The following NEK10 variants were observed in gnomAD, a reference collection of about 807,000 sequenced individuals.
The protein encoded by NEK10 is NIMA related kinase 10, also known as serine/threonine-protein kinase Nek10.
A neutral mutation model predicts 159.8 loss-of-function variants in NEK10; 122 were observed. The ratio of observed to expected loss-of-function variants is 0.76; its 90% CI spans 0.66 to 0.89. The LOEUF is 0.89. NEK10 is among the 40% of genes least tolerant of loss of function. The pLI, the probability that NEK10 is intolerant of heterozygous loss-of-function variation, is 0.00. For missense variants in NEK10, 1,342 were observed against 1,323.1 expected, an observed-to-expected ratio of 1.01 and a Z score of -0.22; for synonymous variants, 466 against 457.1, an observed-to-expected ratio of 1.02 and a Z score of -0.25.
chr3:27,281,789 A>T (rs1038542679), intron 22 of NEK10, among the ~76,000 whole-genome samples: 1 of 152,170 alleles, frequency 6.6e-6, no homozygotes, highest in Non-Finnish European at 1.5e-5. Context: ...GCAGGCCTAA[A>T]GTGAAACCCA....
intron 5 of NEK10, among the ~76,000 whole-genome samples, chr3:27,338,097 C>T (rs1369701151): frequency 6.6e-6 from 1 of 152,122 alleles, no homozygotes; most frequent in Non-Finnish European, 1.5e-5. Flanking sequence ...CTCTCCCAGC[C>T]CCCCAACAGG....
chr3:27,260,264 G>C (rs2149345283), intron 22 of NEK10, among the ~76,000 whole-genome samples: 1 of 152,298 alleles, frequency 6.6e-6, no homozygotes. Flanking sequence ...ATGTTGAATA[G>C]GAGTGGTGAG....
At chr3:27,271,147 TCTTC>T (rs2041312753) in intron 22 of NEK10, among the ~76,000 whole-genome samples, 1 of 140,076 alleles carries the variant, frequency 7.1e-6, no homozygotes, top group African/African-American at 2.7e-5. Context: ...CATCTATCTA[TCTTC>T]TATCTATCTA....
chr3:27,219,890 T>G (rs1038071440), intron 23 of NEK10, among the ~76,000 whole-genome samples: 1 of 152,106 alleles, frequency 6.6e-6, no homozygotes, highest in African/African-American at 2.4e-5. Context: ...GTACACAAAA[T>G]CAATATGCAA....
At chr3:27,160,829 C>T (rs1354360653) in intron 30 of NEK10, among the ~76,000 whole-genome samples, 2 of 152,026 alleles carry the variant, frequency 1.3e-5, no homozygotes, top group African/African-American at 4.8e-5. Context: ...TTGCCTGAAC[C>T]CAGGAGGAGG....
At chr3:27,315,172 CCTTA>C (rs939805038) in intron 6 of NEK10, among the ~76,000 whole-genome samples, 1 of 152,144 alleles carries the variant, frequency 6.6e-6, no homozygotes, top group African/African-American at 2.4e-5. Context: ...ACATCTCTCT[CCTTA>C]CTTAACATGC....
intron 23 of NEK10, among the ~76,000 whole-genome samples, chr3:27,255,695 T>C (rs1488670771): frequency 6.6e-6 from 1 of 152,130 alleles, no homozygotes; most frequent in Non-Finnish European, 1.5e-5. Context: ...ACCCCCAAAG[T>C]ATGCCAAAGA....
intron 31 of NEK10, among the ~76,000 whole-genome samples, chr3:27,135,361 AG>A (rs1943084092): frequency 6.6e-6 from 1 of 152,252 alleles, no homozygotes; most frequent in South Asian, 2.1e-4. Flanking sequence ...ACTCTTAAAA[AG>A]ATAATTACTT....
chr3:27,196,825 C>A (rs947527213), intron 25 of NEK10, among the ~76,000 whole-genome samples: 1 of 152,180 alleles, frequency 6.6e-6, no homozygotes, highest in Non-Finnish European at 1.5e-5. Context: ...ACGACTCTGT[C>A]AATTTTTAAT....
At chr3:27,151,103 T>G (rs1165475429) in intron 30 of NEK10, among the ~76,000 whole-genome samples, 5 of 151,940 alleles carry the variant, frequency 3.3e-5, no homozygotes, top group Non-Finnish European at 7.4e-5. Context: ...ACGTATAATC[T>G]TGGGAGTTCT....
intron 20 of NEK10, among the ~76,000 whole-genome samples, chr3:27,285,353 G>A (rs1028981981): frequency 5.9e-5 from 9 of 151,842 alleles, no homozygotes; most frequent in Non-Finnish European, 1.2e-4. Context: ...TAAAATTTAC[G>A]CTCAAATCAA....
At chr3:27,268,623 A>G (rs1054413991) in intron 22 of NEK10, among the ~76,000 whole-genome samples, 11 of 152,204 alleles carry the variant, frequency 7.2e-5, no homozygotes, top group African/African-American at 2.4e-4. Context: ...ACTGCTTAGT[A>G]AAAAATTCCT....
chr3:27,238,150 G>C (rs1954148521), intron 23 of NEK10, among the ~76,000 whole-genome samples: 1 of 152,144 alleles, frequency 6.6e-6, no homozygotes, highest in African/African-American at 2.4e-5. Flanking sequence ...TGTGTAATAT[G>C]AGTTAGGGAA....
At chr3:27,335,929 T>G (rs543419282) in intron 5 of NEK10, among the ~76,000 whole-genome samples, 1 of 151,906 alleles carries the variant, frequency 6.6e-6, no homozygotes, top group Admixed American at 6.6e-5. Flanking sequence ...TTTTAAACAA[T>G]CTAATAATAC....
At chr3:27,143,294 T>A in intron 30 of NEK10, 1 of 466,846 alleles carries the variant, frequency 2.1e-6, no homozygotes, top group Non-Finnish European at 3.8e-6. Context: ...TTTTTTAAAA[T>A]CATTTTTATA....
intron 32 of NEK10, among the ~76,000 whole-genome samples, chr3:27,120,700 C>A (rs1388859860): frequency 6.6e-6 from 1 of 152,122 alleles, no homozygotes; most frequent in Non-Finnish European, 1.5e-5. Flanking sequence ...TAATTCCCAG[C>A]ACTCTGATGG....
intron 23 of NEK10, among the ~76,000 whole-genome samples, chr3:27,248,166 T>C (rs758990341): frequency 4.1e-4 from 62 of 152,194 alleles, no homozygotes; most frequent in Admixed American, 3.9e-4. Context: ...TAGTTGTTCG[T>C]GGTAGCCACT....
At chr3:27,134,081 G>T (rs1444371225) in intron 31 of NEK10, among the ~76,000 whole-genome samples, 1 of 152,130 alleles carries the variant, frequency 6.6e-6, no homozygotes, top group Non-Finnish European at 1.5e-5. Context: ...AGGAAGGGGG[G>T]TGCAGGGAGA....
intron 32 of NEK10, among the ~76,000 whole-genome samples, chr3:27,127,579 T>C (rs1384737517): frequency 6.6e-6 from 1 of 152,166 alleles, no homozygotes; most frequent in Non-Finnish European, 1.5e-5. Flanking sequence ...TCTAAACATA[T>C]TTGAATACAG....
Sources: gnomAD v4.1 joint callset for allele counts (sites outside exome capture counted in the v4.1 genomes callset) on GRCh38, gnomAD v4.1.1 for gene constraint, MANE v1.5 for transcripts, NCBI Gene and HGNC (gene_info 2026-07-23, HGNC 2026-07-21) for gene names.